NTF3: variants seen among roughly 807,000 people sequenced by gnomAD.
NTF3 encodes neurotrophin 3, also known as neurotrophin-3.
In NTF3, 8 loss-of-function variants were observed where a neutral mutation model predicts 26.3. The observed-to-expected ratio is 0.30, with a 90% CI of 0.18 to 0.55. The LOEUF (loss-of-function observed/expected upper bound fraction) is 0.55. Among genes scored for constraint, NTF3 ranks in the 20% least tolerant of loss-of-function variants. NTF3 has a pLI of 0.93. For synonymous variants in NTF3, 154 were observed against 145.5 expected (o/e 1.06, Z -0.42); for missense variants, 276 against 352.9 (o/e 0.78, Z 1.75).
intron 1 of NTF3, among the ~76,000 whole-genome samples, chr12:5,467,228 C>CAAAAAAAAAAAAA (rs60794349): frequency 1.8e-4 from 9 of 49,548 alleles, no homozygotes; most frequent in African/African-American, 3.9e-4. Context: ...GACTCCGTCT[C>CAAAAAAAAAAAAA]AAAAAAAAAA....
In NTF3 at chr12:5,476,617, T is replaced by A. The variant is rs531588310; in HGVS notation, c.19-17577T>A. ...GTAAGGAAGTGGCTGGAGTGGTGGA[T>A]CATGAGAATAGCACACCCGTAGTAA... On this transcript the variant is annotated intron_variant, in intron 1 of 1. Transcript: ENST00000423158. Among the ~76,000 whole-genome samples the A allele has an allele frequency of 7.9e-5, 12 of 152,258 alleles. No individual in the cohort carries two copies. In the East Asian group the frequency reaches 1.9e-3, roughly 25 times the overall value.
At chr12:5,480,405 A>G (rs191588955) in intron 1 of NTF3, among the ~76,000 whole-genome samples, 59 of 152,330 alleles carry the variant, frequency 3.9e-4, no homozygotes, top group Non-Finnish European at 1.5e-4. Flanking sequence ...GCCTTGCTGT[A>G]AAAGCTTGCT....
chr12:5,480,924 C>T (rs113864805), intron 1 of NTF3, among the ~76,000 whole-genome samples: 5 of 152,204 alleles, frequency 3.3e-5, no homozygotes, highest in Admixed American at 1.3e-4. Context: ...AGAGTTTCTC[C>T]TTCCATCTCA....
intron 1 of NTF3, among the ~76,000 whole-genome samples, chr12:5,467,027 C>T (rs890378372): frequency 1.3e-5 from 2 of 151,960 alleles, no homozygotes; most frequent in South Asian, 2.1e-4. Flanking sequence ...GTCAGGAGTT[C>T]AAGACCAGCC....
At chr12:5,439,454 T>A (rs550653791) in intron 1 of NTF3, among the ~76,000 whole-genome samples, 1 of 152,326 alleles carries the variant, frequency 6.6e-6, no homozygotes, top group Admixed American at 6.5e-5. Context: ...GGGTCCATCT[T>A]CTTCTGCAAA....
chr12:5,448,502 C>G (rs1565385985), intron 1 of NTF3, among the ~76,000 whole-genome samples: 1 of 152,168 alleles, frequency 6.6e-6, no homozygotes, highest in Non-Finnish European at 1.5e-5. Context: ...GAATATTTAC[C>G]TTCTTTCAGG....
chr12:5,482,935 G>T (rs572229476), intron 1 of NTF3, among the ~76,000 whole-genome samples: 1 of 144,598 alleles, frequency 6.9e-6, no homozygotes. Context: ...TCCTTCTCTC[G>T]GTTCTGTATC....
At chr12:5,491,577 A>G (rs767672622) in intron 1 of NTF3, among the ~76,000 whole-genome samples, 5 of 152,096 alleles carry the variant, frequency 3.3e-5, no homozygotes, top group African/African-American at 1.2e-4. Flanking sequence ...GGCAGTGCAC[A>G]TGGGTTGTGA....
intron 1 of NTF3, among the ~76,000 whole-genome samples, chr12:5,486,853 GC>G (rs1458217574): frequency 6.6e-6 from 1 of 151,666 alleles, no homozygotes; most frequent in Non-Finnish European, 1.5e-5. Context: ...TTCGACTAGA[GC>G]CCATCCTCAC....
chr12:5,491,555 T>A (rs1013222977), intron 1 of NTF3, among the ~76,000 whole-genome samples: 5 of 151,856 alleles, frequency 3.3e-5, no homozygotes, highest in African/African-American at 1.2e-4. Context: ...CGGGTGAAAT[T>A]TCAACAGGAG....
chr12:5,431,903 T>C (rs1940092585), upstream of NTF3, among the ~76,000 whole-genome samples: 2 of 151,290 alleles, frequency 1.3e-5, no homozygotes, highest in South Asian at 2.1e-4. Flanking sequence ...TTGGTTTTGT[T>C]TTTCAAGAGG....
At chr12:5,453,954 A>G (rs1415197104) in intron 1 of NTF3, among the ~76,000 whole-genome samples, 1 of 152,208 alleles carries the variant, frequency 6.6e-6, no homozygotes, top group Non-Finnish European at 1.5e-5. Flanking sequence ...ACAACCTTCC[A>G]TTGTCTCCTG....
intron 1 of NTF3, chr12:5,493,982 C>T (rs1591610590): frequency 5.1e-6 from 3 of 587,336 alleles, no homozygotes; most frequent in Admixed American, 3.0e-5. Context: ...AAAGCAGAGT[C>T]GGCAGACCTG....
intron 1 of NTF3, among the ~76,000 whole-genome samples, chr12:5,484,514 T>A (rs894858553): frequency 5.9e-5 from 9 of 152,218 alleles, no homozygotes; most frequent in South Asian, 2.1e-4. Flanking sequence ...TGAAATTTTT[T>A]AAAATATTTT....
chr12:5,475,910 A>G (rs1940717796), intron 1 of NTF3, among the ~76,000 whole-genome samples: 1 of 139,772 alleles, frequency 7.2e-6, no homozygotes, highest in African/African-American at 2.5e-5. Flanking sequence ...GAAAGAAAGA[A>G]AGAAAGAGAG....
At chr12:5,452,642 T>C (rs1940389956) in intron 1 of NTF3, among the ~76,000 whole-genome samples, 1 of 152,192 alleles carries the variant, frequency 6.6e-6, no homozygotes, top group African/African-American at 2.4e-5. Flanking sequence ...TGGTTATTCT[T>C]GAAAGCCCTG....
intron 1 of NTF3, among the ~76,000 whole-genome samples, chr12:5,483,730 C>A (rs757708125): frequency 1.3e-5 from 2 of 152,162 alleles, no homozygotes; most frequent in Non-Finnish European, 2.9e-5. Context: ...TTTGAGGAAT[C>A]GCATTTGCGT....
intron 1 of NTF3, among the ~76,000 whole-genome samples, chr12:5,436,177 C>T (rs754756437): frequency 9.9e-5 from 15 of 152,144 alleles, no homozygotes; most frequent in Non-Finnish European, 1.9e-4. Context: ...CTGGAGCAGA[C>T]GATGGGGATC....
chr12:5,476,122 C>T (rs1940721109), intron 1 of NTF3, among the ~76,000 whole-genome samples: 2 of 152,168 alleles, frequency 1.3e-5, no homozygotes, highest in African/African-American at 4.8e-5. Context: ...GTTATACTCA[C>T]AGTAATCACA....
Sources: allele counts gnomAD v4.1 joint callset (sites outside exome capture counted in the v4.1 genomes callset), GRCh38; gene constraint gnomAD v4.1.1; transcripts MANE v1.5; gene names NCBI Gene and HGNC (gene_info 2026-07-23, HGNC 2026-07-21).